BAD: variants seen among roughly 807,000 people sequenced by gnomAD.
BAD encodes the protein BCL2 associated agonist of cell death.
Under a neutral mutation model 17.8 loss-of-function variants are expected in BAD, and 18 were observed. That is an observed-to-expected ratio of 1.01 (90% confidence interval 0.70 to 1.50). BAD has a LOEUF of 1.50. BAD is among the 40% of genes most tolerant of loss of function. The pLI is 0.00. For missense variants in BAD, 294 were observed against 239.3 expected (o/e 1.23, Z -1.51); for synonymous variants, 112 against 91.5 (o/e 1.22, Z -1.28).
chr11:64,284,266 C>G lies in BAD; in HGVS notation c.103G>C (p.Gly35Arg), dbSNP rs372175324. 11 of 1,611,366 alleles carry G rather than the reference C, an allele frequency of 6.8e-6. No homozygotes were observed. The East Asian group carries it at 2.2e-4, about 33-fold the overall frequency. The stretch of plus-strand genomic sequence containing the variant: ...CCTGGGGCCTGGCGATGATGCTTGC[C>G]GGAGCCTGAGGGCCCGTCCCCTGCG... Reference protein sequence around the residue: ...SPAGDGPSGSGKHHRQAPGLL... With the variant: ...SPAGDGPSGSRKHHRQAPGLL... The change falls in exon 2 of 4, where the codon GGC (glycine) becomes CGC (arginine). Residue 35 changes from glycine to arginine, a missense_variant. Gly to Arg is a moderately radical substitution (Grantham distance 125). Transcript: ENST00000309032.
Position 64,271,752 on chromosome 11 carries a change from G to T in BAD, c.239C>A (p.Thr80Lys). The T allele has an allele frequency of 6.9e-7, 1 of 1,444,152 alleles. No homozygotes were observed. Among genetic ancestry groups the T allele is most frequent in the Non-Finnish European group, 9.1e-7 (1 of 1,098,546 alleles). 89.5% of individuals were successfully genotyped at this position (1,444,152 alleles called of 1,614,324 possible). A position where few individuals can be genotyped will look rare whatever the true frequency, so the allele number is the denominator to read the frequency against. ...CTCCCCCATCCCTTCGTCGTCCTCC[G>T]TCCCCGCGGGGTAGGAGCTGTGGCG... ...RSRHSSYPAG[T>K]EDDEGMGEEP... Residue 80 changes from threonine to lysine, a missense_variant, in exon 3 of 4, where the codon ACG becomes AAG. Transcript: ENST00000309032.
At chr11:64,270,390 C>A in intron 3 of BAD, 53 bp from the exon 4 acceptor site, 2 of 1,499,254 alleles carry the variant, frequency 1.3e-6, no homozygotes, top group Non-Finnish European at 1.8e-6. Context: ...GCAGCTCGAG[C>A]CAGGCTCTCC....
At chr11:64,271,041 C>G (rs2032501990) in intron 3 of BAD, among the ~76,000 whole-genome samples, 1 of 19,778 alleles carries the variant, frequency 5.1e-5, no homozygotes, top group African/African-American at 1.7e-4. Flanking sequence ...GACTACAGAT[C>G]CCAGCATGCC....
intron 2 of BAD, among the ~76,000 whole-genome samples, chr11:64,274,303 C>T (rs1228222377): frequency 6.6e-5 from 10 of 152,022 alleles, no homozygotes; most frequent in East Asian, 5.8e-4. Context: ...AGGACAATGG[C>T]GTGAACCCGG....
At chr11:64,283,083 A>C (rs945899403) in intron 2 of BAD, among the ~76,000 whole-genome samples, 11 of 152,128 alleles carry the variant, frequency 7.2e-5, no homozygotes, top group Non-Finnish European at 1.0e-4. Flanking sequence ...AGAAAAAAAG[A>C]AAGCAAGCTA....
intron 2 of BAD, chr11:64,276,829 G>A (rs1455640339): frequency 1.7e-5 from 12 of 702,996 alleles, no homozygotes; most frequent in Non-Finnish European, 2.1e-5. Context: ...TCCGCCTAGA[G>A]CCTGGCCCGG....
intron 2 of BAD, among the ~76,000 whole-genome samples, chr11:64,273,922 T>TA (rs1414056999): frequency 2.1e-5 from 3 of 140,504 alleles, no homozygotes; most frequent in Admixed American, 1.4e-4. Flanking sequence ...TATGGCAAGA[T>TA]ATGTCTGTCA....
chr11:64,283,075 A>G (rs1267831083), intron 2 of BAD, among the ~76,000 whole-genome samples: 3 of 152,040 alleles, frequency 2.0e-5, no homozygotes, highest in Non-Finnish European at 4.4e-5. Context: ...AAACAAACAG[A>G]AAAAAAGAAA....
intron 2 of BAD, among the ~76,000 whole-genome samples, chr11:64,274,555 G>A (rs2032903538): frequency 6.6e-6 from 1 of 152,104 alleles, no homozygotes; most frequent in African/African-American, 2.4e-5. Context: ...AGGTGTGGTG[G>A]CTCACGCCTG....
At chr11:64,273,550 C>T (rs1267197503) in intron 2 of BAD, among the ~76,000 whole-genome samples, 1 of 151,830 alleles carries the variant, frequency 6.6e-6, no homozygotes, top group African/African-American at 2.4e-5. Flanking sequence ...AGAACCACTC[C>T]CCTGAGCAAA....
intron 2 of BAD, among the ~76,000 whole-genome samples, chr11:64,277,943 T>A (rs1156639360): frequency 6.6e-6 from 1 of 152,192 alleles, no homozygotes; most frequent in East Asian, 1.9e-4. Flanking sequence ...AATTTGAATT[T>A]CATAGAATGT....
chr11:64,281,607 G>T (rs2033476267), intron 2 of BAD, among the ~76,000 whole-genome samples: 1 of 152,134 alleles, frequency 6.6e-6, no homozygotes, highest in South Asian at 2.1e-4. Context: ...CCTTCTCTCT[G>T]CCTGGAACTC....
At chr11:64,280,813 G>C (rs573705641) in intron 2 of BAD, among the ~76,000 whole-genome samples, 82 of 151,014 alleles carry the variant, frequency 5.4e-4, no homozygotes, top group African/African-American at 2.0e-3. Context: ...GATTACAGGC[G>C]CCCACCACCA....
chr11:64,281,718 G>A (rs1051150435), intron 2 of BAD, among the ~76,000 whole-genome samples: 1 of 152,098 alleles, frequency 6.6e-6, no homozygotes, highest in African/African-American at 2.4e-5. Flanking sequence ...CTGTGACTCC[G>A]GATTCTCTTA....
rs944627547 is a variant in BAD at position 64,278,634 on chromosome 11, C to T, written c.187+5548G>A. ...CAACCTGCTAGGAAGGGTAGAGCCA[C>T]GTTTGAACCCTGCAGTCTGGCCCAG... On this transcript the variant is annotated intron_variant, in intron 2 of 3. Transcript: ENST00000309032. 5.9e-5 allele frequency among the ~76,000 whole-genome samples: 9 copies of T among 152,264 alleles called. No homozygotes were observed. In the South Asian group the frequency reaches 1.2e-3, roughly 21 times the overall value.
Position 64,270,218 on chromosome 11 carries a change from G to C in BAD, c.498C>G (p.Pro166=), listed in dbSNP as rs762709817. The change falls in exon 4 of 4, where the codon CCC becomes CCG. Residue 166 remains proline, a synonymous_variant. Transcript: ENST00000309032. ...GGATGTGGAGCGAAGGTCACTGGGAGGGGGCGGAGCTTCCCCTGCCCAAGT... is the reference window on the plus strand; with the variant it reads ...GGATGTGGAGCGAAGGTCACTGGGACGGGGCGGAGCTTCCCCTGCCCAAGT... ...DRNLGRGSSA[P]SQ The C allele has an allele frequency of 1.2e-6, 2 of 1,613,560 alleles. No individual in the cohort carries two copies.
intron 2 of BAD, among the ~76,000 whole-genome samples, chr11:64,280,643 G>T: frequency 6.7e-6 from 1 of 148,706 alleles, no homozygotes; most frequent in Middle Eastern, 3.8e-3. Context: ...GAGCCACCGC[G>T]CCTGGCCTAA....
At chr11:64,279,700 T>A (rs979389965) in intron 2 of BAD, among the ~76,000 whole-genome samples, 3 of 148,718 alleles carry the variant, frequency 2.0e-5, no homozygotes, top group African/African-American at 2.5e-5. Context: ...GAGGTGGAAG[T>A]TGCAGTGAGC....
At chr11:64,280,200 G>A (rs2033357083) in intron 2 of BAD, among the ~76,000 whole-genome samples, 1 of 150,124 alleles carries the variant, frequency 6.7e-6, no homozygotes, top group Non-Finnish European at 1.5e-5. Flanking sequence ...GGAGGCTGTA[G>A]TCCGAGCTAC....
Sources: allele counts gnomAD v4.1 joint callset (sites outside exome capture counted in the v4.1 genomes callset), GRCh38; gene constraint gnomAD v4.1.1; transcripts MANE v1.5; gene names NCBI Gene and HGNC (gene_info 2026-07-23, HGNC 2026-07-21).